The following PRKAR1A variants were observed in gnomAD, a reference collection of about 807,000 sequenced individuals.
The protein encoded by PRKAR1A is protein kinase cAMP-dependent type I regulatory subunit alpha.
Under a neutral mutation model 52.0 loss-of-function variants are expected in PRKAR1A, and 3 were observed. The observed-to-expected ratio is 0.06, with a 90% CI of 0.03 to 0.15. The LOEUF (loss-of-function observed/expected upper bound fraction) is 0.15. Ranked by LOEUF, PRKAR1A falls within the 10% of genes least tolerant of loss-of-function variation. PRKAR1A has a pLI of 1.00. For missense variants in PRKAR1A, 240 were observed against 477.4 expected, an observed-to-expected ratio of 0.50 and a Z score of 4.63; for synonymous variants, 188 against 168.4, an observed-to-expected ratio of 1.12 and a Z score of -0.90.
chr17:68,511,868 A>C (rs2085271636), upstream of PRKAR1A: 1 of 152,000 alleles, frequency 6.6e-6, no homozygotes, highest in Non-Finnish European at 1.5e-5. Flanking sequence ...GGGGGCTGGC[A>C]GCGACAGGAC....
At chr17:68,505,360 G>A in the PRKAR1A span, among the ~76,000 whole-genome samples, 1 of 152,206 alleles carries the variant, frequency 6.6e-6, no homozygotes, top group East Asian at 1.9e-4. Flanking sequence ...GGGAAGGAGA[G>A]AGGGATAAAC....
chr17:68,483,784 C>A, the PRKAR1A span, among the ~76,000 whole-genome samples: 1 of 151,534 alleles, frequency 6.6e-6, no homozygotes. Context: ...TTGCTTGAAC[C>A]TGGGAGGTGG....
the PRKAR1A span, among the ~76,000 whole-genome samples, chr17:68,414,519 A>G: frequency 0.021 from 3,176 of 152,172 alleles, 118 homozygotes; most frequent in African/African-American, 0.072. Context: ...TCCTGGTTGT[A>G]GTATTAGGGT....
the PRKAR1A span, among the ~76,000 whole-genome samples, chr17:68,418,931 T>C: frequency 6.6e-6 from 1 of 152,116 alleles, no homozygotes; most frequent in African/African-American, 2.4e-5. Context: ...TTTTGAGGGC[T>C]ATCTTTTGCT....
intron 11 of PRKAR1A, chr17:68,540,998 A>G: frequency 6.4e-7 from 1 of 1,553,940 alleles, no homozygotes. Flanking sequence ...AAAAGCCAAG[A>G]TGGCAGGGTG....
chr17:68,540,547 C>T, intron 11 of PRKAR1A: 1 of 514,290 alleles, frequency 1.9e-6, no homozygotes, highest in Non-Finnish European at 3.8e-6. Context: ...CCCTTCCTAC[C>T]TGGTTTCCCC....
chr17:68,541,028 TCC>T, intron 11 of PRKAR1A: 1 of 1,525,264 alleles, frequency 6.6e-7, no homozygotes, highest in Non-Finnish European at 8.8e-7. Flanking sequence ...TCCCCACACC[TCC>T]CCCTGCCCCC....
chr17:68,528,714 C>A (rs1277946052), intron 8 of PRKAR1A, 156 bp from the exon 9 acceptor site: 11 of 952,866 alleles, frequency 1.2e-5, no homozygotes, highest in Middle Eastern at 2.8e-4. Flanking sequence ...CCTGCTCAGA[C>A]TAGAGGTAAT....
At chr17:68,460,684 A>G in the PRKAR1A span, among the ~76,000 whole-genome samples, 1 of 152,238 alleles carries the variant, frequency 6.6e-6, no homozygotes, top group Non-Finnish European at 1.5e-5. Flanking sequence ...CTATTTTATT[A>G]AAAACCTGTA....
At chr17:68,515,835 T>C in intron 2 of PRKAR1A, 1 of 482,014 alleles carries the variant, frequency 2.1e-6, no homozygotes, top group South Asian at 2.1e-5. Flanking sequence ...CTTTGTAACT[T>C]TTTAAATTAG....
the PRKAR1A span, chr17:68,436,445 A>G: frequency 1.2e-6 from 2 of 1,614,080 alleles, no homozygotes; most frequent in Non-Finnish European, 1.7e-6. Context: ...AGGCCAGGTA[A>G]GAATTGGAAT....
the PRKAR1A span, among the ~76,000 whole-genome samples, chr17:68,445,469 G>A: frequency 6.6e-6 from 1 of 152,152 alleles, no homozygotes; most frequent in Non-Finnish European, 1.5e-5. Flanking sequence ...TTGGGCCGCT[G>A]TCTGAGCCCT....
chr17:68,480,377 G>A, the PRKAR1A span, among the ~76,000 whole-genome samples: 4 of 152,050 alleles, frequency 2.6e-5, no homozygotes, highest in South Asian at 8.3e-4. Context: ...CTTCTGTTAG[G>A]TGCCCCAGGG....
At chr17:68,483,114 A>G in the PRKAR1A span, among the ~76,000 whole-genome samples, 1 of 139,332 alleles carries the variant, frequency 7.2e-6, no homozygotes, top group East Asian at 2.0e-4. Context: ...TCCATGATCT[A>G]GTTTGAGTTT....
At position 68,550,002 on chromosome 17, in the gene PRKAR1A, C is replaced by G. The variant is rs147376721; in HGVS notation, c.974-1082C>G. ...GCCAACCACTTTGTTTTGTTTGGGA[C>G]AGATACATTAACCTGGAATGACTTG... On this transcript the variant is annotated intron_variant, in intron 11 of 11. Transcript: ENST00000585981. 3.9e-4 allele frequency among the ~76,000 whole-genome samples: 59 copies of G among 152,300 alleles called. No individual in the cohort carries two copies. In the East Asian group the frequency reaches 0.011, roughly 27 times the overall value.
Position 68,533,115 on chromosome 17 carries a change from C to T in PRKAR1A, c.*2666C>T. On this transcript the variant is annotated 3_prime_UTR_variant, in exon 11 of 11. Transcript: ENST00000589228. ...AACATCATTTCTAGATTAGCATACT[C>T]TTTGGTTTAAATTTAATATATACAT... 1 of 1,064,278 alleles carries T rather than the reference C, an allele frequency of 9.4e-7. No homozygotes were observed. Among genetic ancestry groups the T allele is most frequent in the Non-Finnish European group, 1.1e-6 (1 of 878,498 alleles). The allele number at this position is 1,064,278 out of a possible 1,614,324, so 65.9% of individuals were successfully genotyped here.
chr17:68,421,401 A>T, the PRKAR1A span: 240 of 228,170 alleles, frequency 1.1e-3, 3 homozygotes, highest in African/African-American at 5.1e-3. Flanking sequence ...TAAGTATGTA[A>T]TATACAAGAA....
chr17:68,539,969 G>T lies in PRKAR1A; in HGVS notation c.973+9968G>T. On this transcript the variant is annotated intron_variant, in intron 11 of 11. Transcript: ENST00000585981. The stretch of plus-strand genomic sequence containing the variant: ...ATAATGGTGCCGGTCCATATTCCCT[G>T]TGAAGGAGGGGAGGACTTAGCTGGA... The T allele has an allele frequency of 1.9e-6, 3 of 1,614,028 alleles. 1 individual carries two copies. In the South Asian group the frequency reaches 3.3e-5, roughly 18 times the overall value.
the PRKAR1A span, among the ~76,000 whole-genome samples, chr17:68,491,628 T>C: frequency 6.6e-6 from 1 of 152,054 alleles, no homozygotes; most frequent in Admixed American, 6.6e-5. Flanking sequence ...GTGGAAAGCC[T>C]TCATATGCTT....
Sources: allele counts gnomAD v4.1 joint callset (sites outside exome capture counted in the v4.1 genomes callset), GRCh38; gene constraint gnomAD v4.1.1; transcripts MANE v1.5; gene names NCBI Gene and HGNC (gene_info 2026-07-23, HGNC 2026-07-21).